Variants in AUTS2 observed in about 807,000 individuals in gnomAD.
AUTS2 encodes the protein autism susceptibility gene 2 protein.
A neutral mutation model predicts 112.4 loss-of-function variants in AUTS2; 17 were observed. That is an observed-to-expected ratio of 0.15 (90% CI 0.10 to 0.23). The LOEUF (loss-of-function observed/expected upper bound fraction) is 0.23, where lower values mean the gene tolerates loss of function less well. Among genes scored for constraint, AUTS2 ranks in the 10% least tolerant of loss-of-function variants. The pLI is 1.00. For missense variants in AUTS2, 1,510 were observed against 1,701.6 expected (o/e 0.89, Z 1.98); for synonymous variants, 751 against 702.7 (o/e 1.07, Z -1.09).
At chr7:70,644,855 T>C (rs79200502) in intron 5 of AUTS2, among the ~76,000 whole-genome samples, 4,660 of 152,200 alleles carry the variant, frequency 0.031, 268 homozygotes, top group African/African-American at 0.11. Flanking sequence ...GTCCAGCAAA[T>C]GCGTAGTAGA....
chr7:70,527,309 TA>T (rs2129496497), intron 5 of AUTS2, among the ~76,000 whole-genome samples: 1 of 152,320 alleles, frequency 6.6e-6, no homozygotes, highest in South Asian at 2.1e-4. Flanking sequence ...AACATTTGGT[TA>T]AATGTCCCTA....
intron 1 of AUTS2, among the ~76,000 whole-genome samples, chr7:69,606,616 A>G (rs1427126731): frequency 6.6e-6 from 1 of 152,182 alleles, no homozygotes; most frequent in East Asian, 1.9e-4. Context: ...AATTAGGATT[A>G]AACCCAATAT....
intron 5 of AUTS2, among the ~76,000 whole-genome samples, chr7:70,547,388 G>T (rs1800833007): frequency 6.6e-6 from 1 of 152,120 alleles, no homozygotes; most frequent in African/African-American, 2.4e-5. Flanking sequence ...CCAAGTAGCT[G>T]GGATTACAGG....
At chr7:70,470,751 G>A (rs757900834) in intron 5 of AUTS2, among the ~76,000 whole-genome samples, 21 of 152,162 alleles carry the variant, frequency 1.4e-4, no homozygotes, top group Non-Finnish European at 2.6e-4. Flanking sequence ...TTGTGGAGAT[G>A]GTCTGTAACC....
At chr7:70,168,674 T>C (rs979292863) in intron 4 of AUTS2, among the ~76,000 whole-genome samples, 4 of 152,228 alleles carry the variant, frequency 2.6e-5, no homozygotes, top group Admixed American at 2.6e-4. Flanking sequence ...CATTATGTAA[T>C]AAAATAGCAG....
intron 6 of AUTS2, among the ~76,000 whole-genome samples, chr7:70,746,764 G>A (rs1788481234): frequency 6.6e-6 from 1 of 152,136 alleles, no homozygotes; most frequent in East Asian, 1.9e-4. Flanking sequence ...TTCTGTCTGT[G>A]ATGAGAAGCC....
rs373285715 is a variant in AUTS2 at position 70,374,151 on chromosome 7, A to G, written c.661-61601A>G. ...GAAAGCTCTGAGAAGTAGAATTTCTACAAGAAGCAGAGTGAGTCTGAGGGA... is the reference window on the plus strand; with the variant it reads ...GAAAGCTCTGAGAAGTAGAATTTCTGCAAGAAGCAGAGTGAGTCTGAGGGA... On this transcript the variant is annotated intron_variant, in intron 4 of 18. Transcript: ENST00000342771. Among the ~76,000 whole-genome samples, 78 of 152,336 alleles carry G rather than the reference A, an allele frequency of 5.1e-4. 2 individuals carry two copies. The highest frequency in any genetic ancestry group is 1.9e-3 in the African/African-American group (77 of 41,586).
intron 2 of AUTS2, among the ~76,000 whole-genome samples, chr7:70,057,598 C>T (rs1802052212): frequency 6.6e-6 from 1 of 152,152 alleles, no homozygotes; most frequent in Non-Finnish European, 1.5e-5. Context: ...TTTTCATTCC[C>T]ATTTTAATGC....
chr7:69,984,507 G>A (rs769916121), intron 2 of AUTS2, among the ~76,000 whole-genome samples: 29 of 152,168 alleles, frequency 1.9e-4, no homozygotes, highest in Non-Finnish European at 3.8e-4. Context: ...TCCTGGTGGA[G>A]GAGTTATTAG....
At chr7:70,182,526 A>G (rs1182835873) in intron 4 of AUTS2, among the ~76,000 whole-genome samples, 1 of 152,220 alleles carries the variant, frequency 6.6e-6, no homozygotes, top group South Asian at 2.1e-4. Context: ...TTAAAATAAT[A>G]ATTTATAATC....
chr7:70,560,984 T>C (rs2129523254), intron 5 of AUTS2, among the ~76,000 whole-genome samples: 1 of 152,346 alleles, frequency 6.6e-6, no homozygotes, highest in Admixed American at 6.5e-5. Context: ...TTGGTCCTTT[T>C]TACTTTAGAC....
chr7:70,047,994 G>T (rs1403326320), intron 2 of AUTS2, among the ~76,000 whole-genome samples: 1 of 152,124 alleles, frequency 6.6e-6, no homozygotes, highest in Non-Finnish European at 1.5e-5. Context: ...TCTGCTGTAT[G>T]GGAGAGTGTC....
chr7:70,789,720 C>T (rs748143183), intron 18 of AUTS2, 28 bp from the exon 19 acceptor site: 21 of 1,595,938 alleles, frequency 1.3e-5, no homozygotes, highest in South Asian at 3.4e-5. Flanking sequence ...ATTTCATCTG[C>T]GTCCTTGTCT....
At chr7:70,061,242 G>A (rs1802231887) in intron 2 of AUTS2, among the ~76,000 whole-genome samples, 2 of 152,158 alleles carry the variant, frequency 1.3e-5, no homozygotes, top group South Asian at 4.1e-4. Context: ...GATGCAAAGT[G>A]AAATCATGTC....
intron 11 of AUTS2, 116 bp from the exon 12 acceptor site, chr7:70,773,912 A>C (rs1323721025): frequency 5.2e-6 from 5 of 967,128 alleles, no homozygotes; most frequent in Non-Finnish European, 8.0e-6. Context: ...CTTGCGTTTC[A>C]GAAGGAAACA....
chr7:69,670,555 CAAAAAAAAAAAAAAAA>C (rs200373158), intron 1 of AUTS2, among the ~76,000 whole-genome samples: 43 of 119,070 alleles, frequency 3.6e-4, no homozygotes, highest in African/African-American at 1.2e-3. Flanking sequence ...CTTGATCCCT[CAAAAAAAAAAAAAAAA>C]AAAAAAAAAA....
At chr7:70,030,905 A>G (rs560711175) in intron 2 of AUTS2, among the ~76,000 whole-genome samples, 2 of 152,126 alleles carry the variant, frequency 1.3e-5, no homozygotes, top group East Asian at 1.9e-4. Flanking sequence ...CTGAGACTGC[A>G]TTGTTGTCTT....
At chr7:70,627,146 T>C (rs1804993945) in intron 5 of AUTS2, among the ~76,000 whole-genome samples, 4 of 152,254 alleles carry the variant, frequency 2.6e-5, no homozygotes, top group Admixed American at 2.6e-4. Context: ...TGTATAAGCA[T>C]TCCCTTTTCT....
At chr7:69,759,903 C>T (rs1056679268) in intron 1 of AUTS2, among the ~76,000 whole-genome samples, 6 of 150,930 alleles carry the variant, frequency 4.0e-5, no homozygotes, top group Non-Finnish European at 8.8e-5. Flanking sequence ...ATCTTCTGTC[C>T]TCTAGAAGAT....
Sources: gnomAD v4.1 joint callset for allele counts (sites outside exome capture counted in the v4.1 genomes callset) on GRCh38, gnomAD v4.1.1 for gene constraint, MANE v1.5 for transcripts, NCBI Gene and HGNC (gene_info 2026-07-23, HGNC 2026-07-21) for gene names.